PLEKHA5: variants seen among roughly 807,000 people sequenced by gnomAD.
The protein encoded by PLEKHA5 is pleckstrin homology domain-containing family A member 5.
Under a neutral mutation model 181.9 loss-of-function variants are expected in PLEKHA5, and 55 were observed. The observed-to-expected ratio is 0.30, with a 90% CI of 0.24 to 0.38. The LOEUF (loss-of-function observed/expected upper bound fraction) is 0.38, where lower values mean the gene tolerates loss of function less well. Ranked by LOEUF, PLEKHA5 falls within the 10% of genes least tolerant of loss-of-function variation. The probability of loss-of-function intolerance (pLI) is 1.00; values close to 1 mark genes in which losing one functional copy is unlikely to be tolerated. For synonymous variants in PLEKHA5, 535 were observed against 529.4 expected, an observed-to-expected ratio of 1.01 and a Z score of -0.15; for missense variants, 1,432 against 1,549.5, an observed-to-expected ratio of 0.92 and a Z score of 1.27.
rs766704983 is a variant in PLEKHA5 at position 19,260,924 on chromosome 12, C to T, written c.538-25C>T. 9 of 1,388,904 alleles carry T rather than the reference C, an allele frequency of 6.5e-6. No individual in the cohort carries two copies. In the South Asian group the frequency reaches 1.3e-4, roughly 20 times the overall value. 86.0% of individuals were successfully genotyped at this position (1,388,904 alleles called of 1,614,324 possible). On this transcript the variant is annotated intron_variant, in intron 6 of 31. Transcript: ENST00000429027. ...GAGTTTTTGTTGTTTGAGAAATAAT[C>T]CTTAAATATGCTGATTTAATCCAGG...
chr12:19,334,984 A>AAG (rs1491503842), intron 20 of PLEKHA5, among the ~76,000 whole-genome samples: 20 of 42,752 alleles, frequency 4.7e-4, no homozygotes, highest in African/African-American at 2.6e-3. Context: ...TTTTTTTATG[A>AAG]AAAAAAAAAA....
intron 3 of PLEKHA5, among the ~76,000 whole-genome samples, chr12:19,215,975 A>ATC (rs2057898649): frequency 6.6e-6 from 1 of 152,228 alleles, no homozygotes; most frequent in Non-Finnish European, 1.5e-5. Context: ...GCAATAAAAT[A>ATC]TAGATAAGTT....
In PLEKHA5 at chr12:19,179,672, A is replaced by G. The variant is rs142932983; in HGVS notation, c.227+47222A>G. ...ATAAACTCCGTCTCAAAAAAGAAAA[A>G]ACTAAAACAGTGAAGTGTTAGTTAA... On this transcript the variant is annotated intron_variant, in intron 3 of 31. Transcript: ENST00000429027. Among the ~76,000 whole-genome samples, 1,027 of 152,266 alleles carry G rather than the reference A, an allele frequency of 6.7e-3. 2 individuals carry two copies. Among genetic ancestry groups the G allele is most frequent in the Non-Finnish European group, 0.011 (720 of 68,010 alleles).
At chr12:19,217,693 A>G (rs1304573463) in intron 3 of PLEKHA5, among the ~76,000 whole-genome samples, 1 of 152,208 alleles carries the variant, frequency 6.6e-6, no homozygotes, top group South Asian at 2.1e-4. Flanking sequence ...CTGCGTAGAC[A>G]TCAACAGTAT....
chr12:19,163,680 A>ATCTG (rs754925315), intron 3 of PLEKHA5, among the ~76,000 whole-genome samples: 12 of 151,770 alleles, frequency 7.9e-5, no homozygotes, highest in South Asian at 4.2e-4. Flanking sequence ...CTATCTATCT[A>ATCTG]TCTATCTATC....
intron 3 of PLEKHA5, among the ~76,000 whole-genome samples, chr12:19,210,153 A>G (rs952481674): frequency 6.6e-6 from 1 of 152,212 alleles, no homozygotes; most frequent in Non-Finnish European, 1.5e-5. Context: ...AATGGCTGAT[A>G]TTCTCATTTA....
intron 15 of PLEKHA5, among the ~76,000 whole-genome samples, chr12:19,311,305 G>A (rs187976919): frequency 2.0e-5 from 3 of 151,398 alleles, no homozygotes; most frequent in Admixed American, 2.0e-4. Context: ...GATTAAAAAT[G>A]TACTTGCCTA....
At chr12:19,241,357 A>G (rs897596635) in intron 3 of PLEKHA5, among the ~76,000 whole-genome samples, 4 of 152,190 alleles carry the variant, frequency 2.6e-5, no homozygotes, top group South Asian at 2.1e-4. Context: ...GATAGACTCA[A>G]TAGTGAAGAG....
intron 3 of PLEKHA5, among the ~76,000 whole-genome samples, chr12:19,251,515 G>T (rs1181958475): frequency 6.6e-6 from 1 of 151,950 alleles, no homozygotes; most frequent in Non-Finnish European, 1.5e-5. Flanking sequence ...CATGTTTGAG[G>T]TGTGTGCAGA....
At chr12:19,332,030 G>T in intron 20 of PLEKHA5, among the ~76,000 whole-genome samples, 1 of 152,010 alleles carries the variant, frequency 6.6e-6, no homozygotes, top group Non-Finnish European at 1.5e-5. Context: ...TGGCACAGAG[G>T]CTCACACCTG....
intron 20 of PLEKHA5, among the ~76,000 whole-genome samples, chr12:19,331,792 G>A (rs370099400): frequency 1.3e-5 from 2 of 152,092 alleles, no homozygotes; most frequent in African/African-American, 2.4e-5. Context: ...GGAGGCTGAG[G>A]CAGGAGAATT....
intron 15 of PLEKHA5, among the ~76,000 whole-genome samples, chr12:19,296,769 C>G (rs2079916992): frequency 6.6e-6 from 1 of 152,070 alleles, no homozygotes; most frequent in South Asian, 2.1e-4. Context: ...AGACCAGGAG[C>G]TGAAGACAGG....
intron 3 of PLEKHA5, among the ~76,000 whole-genome samples, chr12:19,183,510 T>C (rs2049079856): frequency 6.6e-6 from 1 of 152,194 alleles, no homozygotes; most frequent in South Asian, 2.1e-4. Flanking sequence ...CAGAAACCGA[T>C]AATAATGAAT....
At chr12:19,362,414 G>A (rs956864312) in intron 29 of PLEKHA5, among the ~76,000 whole-genome samples, 4 of 151,686 alleles carry the variant, frequency 2.6e-5, no homozygotes, top group Admixed American at 2.0e-4. Flanking sequence ...CATGTCTGTG[G>A]TCCCAGCTAC....
At chr12:19,263,248 C>A (rs374333158) in intron 7 of PLEKHA5, among the ~76,000 whole-genome samples, 2 of 151,974 alleles carry the variant, frequency 1.3e-5, no homozygotes, top group South Asian at 2.1e-4. Flanking sequence ...TTTATCTAAC[C>A]CTCACAGCTA....
intron 15 of PLEKHA5, among the ~76,000 whole-genome samples, chr12:19,304,447 A>G (rs1337182822): frequency 6.6e-6 from 1 of 152,204 alleles, no homozygotes; most frequent in Non-Finnish European, 1.5e-5. Context: ...ATCTAGATCC[A>G]ATATTTGTGT....
chr12:19,259,838 G>T (rs1592236247), intron 6 of PLEKHA5, among the ~76,000 whole-genome samples: 1 of 148,818 alleles, frequency 6.7e-6, no homozygotes, highest in Non-Finnish European at 1.5e-5. Flanking sequence ...CAATTTTAAG[G>T]CCAAATCTTT....
intron 3 of PLEKHA5, among the ~76,000 whole-genome samples, chr12:19,176,038 T>A (rs1487314183): frequency 6.6e-6 from 1 of 152,106 alleles, no homozygotes; most frequent in Non-Finnish European, 1.5e-5. Context: ...TGGGTCTAGA[T>A]GTTAAAAAAA....
At chr12:19,361,499 C>G (rs1319111101) in intron 28 of PLEKHA5, 83 bp from the exon 29 acceptor site, 3 of 771,254 alleles carry the variant, frequency 3.9e-6, no homozygotes, top group Non-Finnish European at 6.3e-6. Flanking sequence ...GTTCAATAAA[C>G]TTTATTTTGG....
Sources: gnomAD v4.1 joint callset for allele counts (sites outside exome capture counted in the v4.1 genomes callset) on GRCh38, gnomAD v4.1.1 for gene constraint, MANE v1.5 for transcripts, NCBI Gene and HGNC (gene_info 2026-07-23, HGNC 2026-07-21) for gene names.